SNX29: variants seen among roughly 807,000 people sequenced by gnomAD.
SNX29 encodes sorting nexin 29, also known as sorting nexin-29.
Under a neutral mutation model 102.1 loss-of-function variants are expected in SNX29, and 78 were observed. The observed-to-expected ratio is 0.76, with a 90% CI of 0.64 to 0.92. The LOEUF is 0.92. Ranked by LOEUF, SNX29 falls within the 40% of genes least tolerant of loss-of-function variation. SNX29 has a pLI of 0.00. For missense variants in SNX29, 1,280 were observed against 1,061.7 expected, an observed-to-expected ratio of 1.21 and a Z score of -2.86; for synonymous variants, 580 against 414.5, an observed-to-expected ratio of 1.40 and a Z score of -4.85.
At chr16:12,562,138 C>G (rs141748694) in intron 20 of SNX29, among the ~76,000 whole-genome samples, 1 of 152,136 alleles carries the variant, frequency 6.6e-6, no homozygotes, top group African/African-American at 2.4e-5. Flanking sequence ...CAAAATGGCT[C>G]TGGCAATACC....
At chr16:12,014,869 A>G (rs2056795995) in intron 3 of SNX29, among the ~76,000 whole-genome samples, 1 of 151,948 alleles carries the variant, frequency 6.6e-6, no homozygotes, top group African/African-American at 2.4e-5. Flanking sequence ...CCTTTCTGCT[A>G]TTCTCAAACC....
intron 19 of SNX29, among the ~76,000 whole-genome samples, chr16:12,516,043 G>C (rs2089849543): frequency 6.6e-6 from 1 of 152,174 alleles, no homozygotes; most frequent in Non-Finnish European, 1.5e-5. Flanking sequence ...GCTAGGCCTA[G>C]ACGTGGCCTG....
intron 20 of SNX29, among the ~76,000 whole-genome samples, chr16:12,548,108 C>G (rs891440581): frequency 6.6e-6 from 1 of 152,208 alleles, no homozygotes; most frequent in African/African-American, 2.4e-5. Flanking sequence ...ACATTGAGGT[C>G]TATTTCTTGG....
At chr16:12,531,785 C>T (rs565388143) in intron 20 of SNX29, among the ~76,000 whole-genome samples, 1 of 152,304 alleles carries the variant, frequency 6.6e-6, no homozygotes, top group South Asian at 2.1e-4. Context: ...ATCCTGAAGG[C>T]AGGCCCAGAG....
rs1487517494 is a variant in SNX29, at chr16:12,239,032, A to G, written c.1679-38901A>G. Among the ~76,000 whole-genome samples the G allele has an allele frequency of 3.3e-5, 5 of 152,212 alleles. No individual in the cohort carries two copies. The East Asian group carries it at 5.8e-4, about 18-fold the overall frequency. ...TTTAAGGAGCTTTCTCAGGAGTCTCATCTCACAACTTGAGTTTACATCTCA... is the reference window on the plus strand; with the variant it reads ...TTTAAGGAGCTTTCTCAGGAGTCTCGTCTCACAACTTGAGTTTACATCTCA... On this transcript the variant is annotated intron_variant, in intron 14 of 20. Coordinates refer to ENST00000566228, the MANE Select transcript of SNX29 (RefSeq NM_032167.5).
At chr16:12,277,207 G>C (rs1296546679) in intron 14 of SNX29, among the ~76,000 whole-genome samples, 4 of 152,086 alleles carry the variant, frequency 2.6e-5, no homozygotes, top group African/African-American at 9.7e-5. Context: ...GGTCAACATG[G>C]TGAGACCTTG....
chr16:12,535,178 A>T (rs959076483), intron 20 of SNX29, among the ~76,000 whole-genome samples: 1 of 152,198 alleles, frequency 6.6e-6, no homozygotes, highest in Admixed American at 6.5e-5. Flanking sequence ...TCACTCTGTC[A>T]CCAAGGCTGG....
chr16:12,439,777 C>T (rs1282156747), intron 18 of SNX29, among the ~76,000 whole-genome samples: 2 of 152,230 alleles, frequency 1.3e-5, no homozygotes, highest in Non-Finnish European at 2.9e-5. Context: ...TACTTTGCCT[C>T]TCTGAGACTC....
chr16:12,059,527 G>T (rs1439713459), intron 8 of SNX29, among the ~76,000 whole-genome samples: 1 of 152,196 alleles, frequency 6.6e-6, no homozygotes, highest in Non-Finnish European at 1.5e-5. Flanking sequence ...ATTCTGCTAG[G>T]ATTATTTCCT....
intron 15 of SNX29, among the ~76,000 whole-genome samples, chr16:12,332,060 A>G (rs2081305389): frequency 6.6e-6 from 1 of 152,052 alleles, no homozygotes; most frequent in Non-Finnish European, 1.5e-5. Flanking sequence ...ACTCCATCTC[A>G]AAAAAATAAT....
chr16:12,007,653 A>G (rs1233390238), intron 3 of SNX29, among the ~76,000 whole-genome samples: 1 of 151,770 alleles, frequency 6.6e-6, no homozygotes, highest in Admixed American at 6.6e-5. Context: ...GCTCAAATCC[A>G]CTCACTTCCC....
chr16:12,359,029 G>T (rs902816541), intron 16 of SNX29, among the ~76,000 whole-genome samples: 1 of 152,222 alleles, frequency 6.6e-6, no homozygotes, highest in African/African-American at 2.4e-5. Context: ...CCCAAGAAGG[G>T]GGTTGTGAGA....
At chr16:12,510,599 G>A (rs766851036) in intron 19 of SNX29, among the ~76,000 whole-genome samples, 28 of 151,984 alleles carry the variant, frequency 1.8e-4, no homozygotes, top group African/African-American at 3.6e-4. Flanking sequence ...CTGGAACCCC[G>A]GAGGCAGAGG....
intron 18 of SNX29, among the ~76,000 whole-genome samples, chr16:12,448,912 C>G (rs753042411): frequency 6.6e-6 from 1 of 152,186 alleles, no homozygotes; most frequent in Non-Finnish European, 1.5e-5. Flanking sequence ...ATTCACTAGG[C>G]TCTACCCATA....
At chr16:12,240,886 G>A (rs895768945) in intron 14 of SNX29, among the ~76,000 whole-genome samples, 9 of 152,070 alleles carry the variant, frequency 5.9e-5, no homozygotes, top group East Asian at 1.9e-4. Flanking sequence ...GATTACAGGC[G>A]TTACCCACCG....
At chr16:11,989,530 A>G (rs548570249) in intron 1 of SNX29, among the ~76,000 whole-genome samples, 18 of 152,156 alleles carry the variant, frequency 1.2e-4, no homozygotes, top group African/African-American at 3.9e-4. Context: ...CTAAGTCTAG[A>G]GCAGATAAAA....
intron 15 of SNX29, among the ~76,000 whole-genome samples, chr16:12,339,197 G>A (rs113696102): frequency 0.097 from 14,696 of 151,770 alleles, 1,770 homozygotes; most frequent in African/African-American, 0.29. Flanking sequence ...GTGAAACCCC[G>A]TCTCTACTAA....
At chr16:12,128,791 C>T (rs752133764) in intron 12 of SNX29, among the ~76,000 whole-genome samples, 2 of 151,798 alleles carry the variant, frequency 1.3e-5, no homozygotes, top group Non-Finnish European at 2.9e-5. Context: ...GGCAAGTGTC[C>T]TCTGGATTTA....
intron 20 of SNX29, among the ~76,000 whole-genome samples, chr16:12,555,391 G>T (rs116413729): frequency 2.9e-4 from 44 of 152,178 alleles, no homozygotes; most frequent in Non-Finnish European, 5.4e-4. Flanking sequence ...CTTTCCCTGC[G>T]TGTCTGCTGG....
Sources: allele counts gnomAD v4.1 joint callset (sites outside exome capture counted in the v4.1 genomes callset), GRCh38; gene constraint gnomAD v4.1.1; transcripts MANE v1.5; gene names NCBI Gene and HGNC (gene_info 2026-07-23, HGNC 2026-07-21).